Variants in OSR2 observed in about 807,000 individuals in gnomAD.
OSR2 encodes the protein odd-skipped related transciption factor 2.
A neutral mutation model predicts 22.3 loss-of-function variants in OSR2; 8 were observed. The observed-to-expected ratio is 0.36, with a 90% CI of 0.21 to 0.65. OSR2 has a LOEUF of 0.65. Ranked by LOEUF, OSR2 falls within the 30% of genes least tolerant of loss-of-function variation. The pLI, the probability that OSR2 is intolerant of heterozygous loss-of-function variation, is 0.66. For synonymous variants in OSR2, 179 were observed against 173.8 expected (o/e 1.03, Z -0.23); for missense variants, 311 against 413.4 (o/e 0.75, Z 2.15).
chr8:98,948,881 G>GC lies in OSR2; in HGVS notation c.-68dup. 3 of 1,612,078 alleles carry GC rather than the reference G, an allele frequency of 1.9e-6. No individual in the cohort carries two copies. Among genetic ancestry groups the GC allele is most frequent in the Non-Finnish European group, 2.5e-6 (3 of 1,179,572 alleles). On this transcript the variant is annotated 5_prime_UTR_variant, in exon 2 of 4. Coordinates refer to ENST00000297565, the MANE Select transcript of OSR2 (RefSeq NM_001142462.3). This position sits in a 1 kb window ranked among gnomAD's most constrained non-coding sequence, Gnocchi z 6.0. ...GTTGTCTCACTGGGTTTTTGTCGGA[G>GC]CCCCACGCCCTCCGGCCTCTGATTC... is the stretch of plus-strand genomic sequence containing the variant.
chr8:98,951,435 T>A lies in OSR2; in HGVS notation c.757-84T>A, dbSNP rs902363304. 30 of 1,298,418 alleles carry A rather than the reference T, an allele frequency of 2.3e-5. 1 individual carries two copies. In the Admixed American group the frequency reaches 5.1e-4, roughly 22 times the overall value. The allele number at this position is 1,298,418 out of a possible 1,614,324, so 80.4% of individuals were successfully genotyped here. A position where few individuals can be genotyped will look rare whatever the true frequency, so the allele number is the denominator to read the frequency against. Reference sequence around the variant, plus strand: ...CATGAGAGTGTTATGTTAACGCTTGTGATAACGATAAGACAGAAACTATTG... The same window carrying A: ...CATGAGAGTGTTATGTTAACGCTTGAGATAACGATAAGACAGAAACTATTG... On this transcript the variant is annotated intron_variant, in intron 3 of 3. Coordinates refer to ENST00000297565, the MANE Select transcript of OSR2 (RefSeq NM_001142462.3).
Position 98,951,804 on chromosome 8 carries a change from G to C in OSR2, c.*103G>C, listed in dbSNP as rs376972491. 8.4e-7 allele frequency: 1 copy of C among 1,186,566 alleles called. No homozygotes were observed. The highest frequency in any genetic ancestry group is 1.5e-5 in the African/African-American group (1 of 64,750). 73.5% of individuals were successfully genotyped at this position (1,186,566 alleles called of 1,614,324 possible). Reference sequence around the variant, plus strand: ...CATCCCTAGCCCTTCACTGACCCCAGCTCTTCCCTTGCTGCAGCCGCACCT... The same window carrying C: ...CATCCCTAGCCCTTCACTGACCCCACCTCTTCCCTTGCTGCAGCCGCACCT... On this transcript the variant is annotated 3_prime_UTR_variant, in exon 4 of 4. Transcript: ENST00000297565.
chr8:98,951,773 G>GGGTC lies in OSR2; in HGVS notation c.*74_*77dup. 1 of 1,486,358 alleles carries GGGTC rather than the reference G, an allele frequency of 6.7e-7. No homozygotes were observed. Among genetic ancestry groups the GGGTC allele is most frequent in the Non-Finnish European group, 9.0e-7 (1 of 1,106,462 alleles). The allele number at this position is 1,486,358 out of a possible 1,614,324, so 92.1% of individuals were successfully genotyped here. Reference sequence around the variant, plus strand: ...CACCTCTCCACGTCTCCTACCCAGGGGGTCGCATCCCTAGCCCTTCACTGA... The same window carrying GGGTC: ...CACCTCTCCACGTCTCCTACCCAGGGGGTCGGTCGCATCCCTAGCCCTTCACTGA... On this transcript the variant is annotated 3_prime_UTR_variant, in exon 4 of 4. Transcript: ENST00000297565.
At chr8:98,945,189 C>T (rs1840569973) in intron 1 of OSR2, among the ~76,000 whole-genome samples, 1 of 152,258 alleles carries the variant, frequency 6.6e-6, no homozygotes, top group South Asian at 2.1e-4. Flanking sequence ...CCCGGGGCAG[C>T]CGCGGCAGCG....
chr8:98,948,647 C>T lies in OSR2; in HGVS notation c.-114-192C>T. 1.0e-6 allele frequency: 1 copy of T among 964,446 alleles called. No individual in the cohort carries two copies. The highest frequency in any genetic ancestry group is 1.5e-6 in the Non-Finnish European group (1 of 672,022). The allele number at this position is 964,446 out of a possible 1,614,324, so 59.7% of individuals were successfully genotyped here. A position where few individuals can be genotyped will look rare whatever the true frequency, so the allele number is the denominator to read the frequency against. ...GCCAGTGGAGCACTTCTTGTTCTGGCCCCGGGCTGATCTGCACGCGGACTT... is the reference window on the plus strand; with the variant it reads ...GCCAGTGGAGCACTTCTTGTTCTGGTCCCGGGCTGATCTGCACGCGGACTT... On this transcript the variant is annotated intron_variant, in intron 1 of 3. Transcript: ENST00000297565. The surrounding 1 kb of genome is among the most constrained non-coding windows in gnomAD (Gnocchi z 6.0).
At chr8:98,947,866 CTT>C (rs1840656064) in intron 1 of OSR2, among the ~76,000 whole-genome samples, 1 of 152,176 alleles carries the variant, frequency 6.6e-6, no homozygotes, top group South Asian at 2.1e-4. Flanking sequence ...TCTCCCCTCT[CTT>C]CTCTCTCCTC....
In OSR2 at chr8:98,949,243, C is replaced by T; in HGVS notation, c.291C>T (p.Pro97=). Reference sequence around the variant, plus strand: ...CTTTTACCACCCACCTATTCCACCCCAAGCAGGGGGCCATTGCCCACGTCC... The same window carrying T: ...CTTTTACCACCCACCTATTCCACCCTAAGCAGGGGGCCATTGCCCACGTCC... ...ALPFTTHLFH[P]KQGAIAHVLP... is the part of the protein sequence containing the mutation. The change falls in exon 2 of 4, where the codon CCC becomes CCT. Residue 97 remains proline (P), a synonymous_variant. Transcript: ENST00000297565. This position sits in a 1 kb window ranked among gnomAD's most constrained non-coding sequence, Gnocchi z 5.9. 2 of 1,602,690 alleles carry T rather than the reference C, an allele frequency of 1.2e-6. No individual in the cohort carries two copies. Among genetic ancestry groups the T allele is most frequent in the Non-Finnish European group, 1.7e-6 (2 of 1,172,602 alleles).
chr8:98,949,027 G>A lies in OSR2; in HGVS notation c.75G>A (p.Gln25=). ...AGCTCACCAATTACTCCTTCCTGCA[G>A]GCCGTGAACACCTTCCCGGCCACGG... The part of the protein sequence containing the change: ...SLQLTNYSFL[Q]AVNTFPATVD... Residue 25 remains glutamine, a synonymous_variant, in exon 2 of 4, where the codon CAG becomes CAA. Coordinates refer to ENST00000297565, the MANE Select transcript of OSR2 (RefSeq NM_001142462.3). The surrounding 1 kb of genome is among the most constrained non-coding windows in gnomAD (Gnocchi z 5.9). The A allele has an allele frequency of 1.2e-6, 2 of 1,613,948 alleles. No individual in the cohort carries two copies. The highest frequency in any genetic ancestry group is 1.7e-6 in the Non-Finnish European group (2 of 1,179,898).
At chr8:98,950,809 C>A (rs1308687308) in intron 3 of OSR2, 54 bp downstream of exon 3, 2 of 1,194,972 alleles carry the variant, frequency 1.7e-6, no homozygotes, top group African/African-American at 1.5e-5. Context: ...ATCATTACTG[C>A]TTTGCAAAAG....
chr8:98,949,500 A>T lies in OSR2; in HGVS notation c.548A>T (p.Lys183Ile). 6.2e-7 allele frequency: 1 copy of T among 1,614,062 alleles called. No homozygotes were observed. The highest frequency in any genetic ancestry group is 2.2e-5 in the East Asian group (1 of 44,882). ...AAGTTTTGCGGCAGACACTTTACCAAATCCTACAATTTGCTCATCCATGAG... is the reference window on the plus strand; with the variant it reads ...AAGTTTTGCGGCAGACACTTTACCATATCCTACAATTTGCTCATCCATGAG... The part of the protein sequence containing the change: ...ICKFCGRHFT[K>I]SYNLLIHERT... Residue 183 changes from lysine to isoleucine, a missense_variant, in exon 2 of 4, where the codon AAA (lysine) becomes ATA (isoleucine). Coordinates refer to ENST00000297565, the MANE Select transcript of OSR2 (RefSeq NM_001142462.3). This position sits in a 1 kb window ranked among gnomAD's most constrained non-coding sequence, Gnocchi z 5.9.
At position 98,948,353 on chromosome 8, in the gene OSR2, G is replaced by A. The variant is rs995017389; in HGVS notation, c.-114-486G>A. ...CCACAGGGCGCGGCGGCAGCGCAGCGCGTGGGATCTCACGACCCATCCGTT... is the reference window on the plus strand; with the variant it reads ...CCACAGGGCGCGGCGGCAGCGCAGCACGTGGGATCTCACGACCCATCCGTT... On this transcript the variant is annotated intron_variant, in intron 1 of 3. Coordinates refer to ENST00000297565, the MANE Select transcript of OSR2 (RefSeq NM_001142462.3). The surrounding 1 kb of genome is among the most constrained non-coding windows in gnomAD (Gnocchi z 6.0). 3 of 1,519,022 alleles carry A rather than the reference G, an allele frequency of 2.0e-6. No homozygotes were observed. Among genetic ancestry groups the A allele is most frequent in the Middle Eastern group, 1.7e-4 (1 of 5,934 alleles). The allele number at this position is 1,519,022 out of a possible 1,614,324, so 94.1% of individuals were successfully genotyped here.
rs146504773 is a variant in OSR2 at position 98,949,018 on chromosome 8, C to T, written c.66C>T (p.Ser22=). The change falls in exon 2 of 4, where the codon TCC becomes TCT. Residue 22 remains serine (S), a synonymous_variant. Transcript: ENST00000297565. This position sits in a 1 kb window ranked among gnomAD's most constrained non-coding sequence, Gnocchi z 5.9. ...CGTCGCTGCAGCTCACCAATTACTCCTTCCTGCAGGCCGTGAACACCTTCC... is the reference window on the plus strand; with the variant it reads ...CGTCGCTGCAGCTCACCAATTACTCTTTCCTGCAGGCCGTGAACACCTTCC... ...LHPSLQLTNY[S]FLQAVNTFPA... is the part of the protein sequence containing the mutation. 3 of 1,613,984 alleles carry T rather than the reference C, an allele frequency of 1.9e-6. No individual in the cohort carries two copies. The highest frequency in any genetic ancestry group is 2.5e-6 in the Non-Finnish European group (3 of 1,179,904).
rs35793128 is a variant in OSR2, at chr8:98,946,564, C to CTT, written c.-115+1751_-115+1752dup. ...AACAAACAGGTACTATGAAATAGCA[C>CTT]TTTTTTTTTTTACTAACATGAACCT... is the stretch of plus-strand genomic sequence containing the variant. On this transcript the variant is annotated intron_variant, in intron 1 of 3. Transcript: ENST00000297565. Among the ~76,000 whole-genome samples, 584 of 147,600 alleles carry CTT rather than the reference C, an allele frequency of 4.0e-3. 15 individuals are homozygous for CTT. Among genetic ancestry groups the CTT allele is most frequent in the Admixed American group, 0.03 (450 of 14,860 alleles).
rs776584989 is a variant in OSR2 at position 98,949,177 on chromosome 8, G to A, written c.225G>A (p.Ala75=). The A allele has an allele frequency of 5.6e-6, 9 of 1,601,210 alleles. No homozygotes were observed. Among genetic ancestry groups the A allele is most frequent in the Middle Eastern group, 1.7e-4 (1 of 6,044 alleles). Residue 75 remains alanine, a synonymous_variant, in exon 2 of 4, where the codon GCG becomes GCA. Coordinates refer to ENST00000297565, the MANE Select transcript of OSR2 (RefSeq NM_001142462.3). This position sits in a 1 kb window ranked among gnomAD's most constrained non-coding sequence, Gnocchi z 5.9. ...CCACCATCACGGAGATGGCGGCGGCGCAGGGCCTCGTGGACGCGCGCTTCC... is the reference window on the plus strand; with the variant it reads ...CCACCATCACGGAGATGGCGGCGGCACAGGGCCTCGTGGACGCGCGCTTCC... The part of the protein sequence containing the change: ...TRSTITEMAA[A]QGLVDARFPF...
In OSR2 at chr8:98,950,562, T is replaced by C. The variant is rs1688328143; in HGVS notation, c.657-94T>C. 12 of 757,352 alleles carry C rather than the reference T, an allele frequency of 1.6e-5. No individual in the cohort carries two copies. The South Asian group carries it at 2.0e-4, about 13-fold the overall frequency. The allele number at this position is 757,352 out of a possible 1,614,324, so 46.9% of individuals were successfully genotyped here. A position where few individuals can be genotyped will look rare whatever the true frequency, so the allele number is the denominator to read the frequency against. ...AACGTAAATGGAAATCTTGTTTCTT[T>C]TGTTCTTCCACGACTTCCTTTTAAG... On this transcript the variant is annotated intron_variant, in intron 2 of 3. Coordinates refer to ENST00000297565, the MANE Select transcript of OSR2 (RefSeq NM_001142462.3).
At chr8:98,946,387 A>C (rs1587887417) in intron 1 of OSR2, 1 of 152,366 alleles carries the variant, frequency 6.6e-6, no homozygotes, top group Non-Finnish European at 1.5e-5. Flanking sequence ...CATTTCCAGC[A>C]ACTCAATGGG....
At position 98,951,831 on chromosome 8, in the gene OSR2, C is replaced by A. The variant is rs1025820636; in HGVS notation, c.*130C>A. On this transcript the variant is annotated 3_prime_UTR_variant, in exon 4 of 4. Transcript: ENST00000297565. ...TCTTCCCTTGCTGCAGCCGCACCTG[C>A]AGCTCCAGGGAGTTAACTCTTCTTC... The A allele has an allele frequency of 3.4e-6, 3 of 872,818 alleles. No individual in the cohort carries two copies. In the African/African-American group the frequency reaches 5.1e-5, roughly 15 times the overall value. The allele number at this position is 872,818 out of a possible 1,614,324, so 54.1% of individuals were successfully genotyped here. A position where few individuals can be genotyped will look rare whatever the true frequency, so the allele number is the denominator to read the frequency against.
At position 98,951,872 on chromosome 8, in the gene OSR2, T is replaced by C. The variant is rs577641373; in HGVS notation, c.*171T>C. 9.6e-4 allele frequency: 607 copies of C among 630,544 alleles called. 5 individuals carry two copies. Among genetic ancestry groups the C allele is most frequent in the Middle Eastern group, 5.1e-3 (12 of 2,342 alleles). The allele number at this position is 630,544 out of a possible 1,614,324, so 39.1% of individuals were successfully genotyped here. ...ACTCTTCTTCTGGGGGACTGAGAAC[T>C]GTAGAAAGCCACACACTACTACATC... On this transcript the variant is annotated 3_prime_UTR_variant, in exon 4 of 4. Coordinates refer to ENST00000297565, the MANE Select transcript of OSR2 (RefSeq NM_001142462.3).
rs1416747358 is a variant in OSR2 at position 98,949,438 on chromosome 8, A to G, written c.486A>G (p.Gly162=). ...KLTPDRKPSR[G]RLPSKTKKEF... ...CTCCGGACAGAAAGCCCTCTCGAGGAAGGTTGCCCTCCAAAACGAAAAAAG... is the reference window on the plus strand; with the variant it reads ...CTCCGGACAGAAAGCCCTCTCGAGGGAGGTTGCCCTCCAAAACGAAAAAAG... The change falls in exon 2 of 4, where the codon GGA becomes GGG. Residue 162 remains glycine, a synonymous_variant. Transcript: ENST00000297565. The surrounding 1 kb of genome is among the most constrained non-coding windows in gnomAD (Gnocchi z 5.9). 6.2e-7 allele frequency: 1 copy of G among 1,614,048 alleles called. No individual in the cohort carries two copies. The highest frequency in any genetic ancestry group is 8.5e-7 in the Non-Finnish European group (1 of 1,179,894).
Sources: gnomAD v4.1 joint callset for allele counts (sites outside exome capture counted in the v4.1 genomes callset) on GRCh38, gnomAD v4.1.1 for gene constraint, Gnocchi (gnomAD v3.1) non-coding constraint, MANE v1.5 for transcripts, NCBI Gene and HGNC (gene_info 2026-07-23, HGNC 2026-07-21) for gene names.